The following CNOT6 variants were observed in gnomAD, a reference collection of about 807,000 sequenced individuals.
CNOT6 encodes the protein CCR4-NOT transcription complex subunit 6.
In CNOT6, 12 loss-of-function variants were observed where a neutral mutation model predicts 61.2. The observed-to-expected ratio is 0.20, with a 90% CI of 0.13 to 0.32. The LOEUF is 0.32. CNOT6 is among the 10% of genes least tolerant of loss of function. CNOT6 has a pLI of 1.00. For synonymous variants in CNOT6, 225 were observed against 240.6 expected, an observed-to-expected ratio of 0.94 and a Z score of 0.60; for missense variants, 405 against 663.9, an observed-to-expected ratio of 0.61 and a Z score of 4.28.
intron 2 of CNOT6, among the ~76,000 whole-genome samples, chr5:180,533,604 G>A (rs960118779): frequency 6.6e-6 from 1 of 151,836 alleles, no homozygotes; most frequent in African/African-American, 2.4e-5. Context: ...CTTAGAGATA[G>A]GGGTCTCCCT....
Position 180,540,985 on chromosome 5 carries a change from G to GT in CNOT6, c.113-8941dup, listed in dbSNP as rs543045694. On this transcript the variant is annotated intron_variant, in intron 2 of 11. Coordinates refer to ENST00000261951, the MANE Select transcript of CNOT6 (RefSeq NM_001370472.1). ...AATGGGGTCTGCCAGTGATTTTTTTGTTTTTGTTTATTTTTTGTATTTTAG... is the reference window on the plus strand; with the variant it reads ...AATGGGGTCTGCCAGTGATTTTTTTGTTTTTTGTTTATTTTTTGTATTTTAG... 1.8e-4 allele frequency among the ~76,000 whole-genome samples: 28 copies of GT among 151,930 alleles called. 1 individual carries two copies. The East Asian group carries it at 2.9e-3, about 16-fold the overall frequency.
chr5:180,565,775 T>G (rs1760418371), intron 6 of CNOT6, 45 bp from the exon 7 acceptor site: 1 of 1,501,928 alleles, frequency 6.7e-7, no homozygotes, highest in African/African-American at 1.4e-5. Flanking sequence ...ATTATATATT[T>G]TTTTCTGCCA....
intron 2 of CNOT6, among the ~76,000 whole-genome samples, chr5:180,545,689 TTGTG>T (rs1263614207): frequency 6.6e-6 from 1 of 152,252 alleles, no homozygotes; most frequent in African/African-American, 2.4e-5. Context: ...ACATTCCCCT[TTGTG>T]TGGGCATAAC....
intron 1 of CNOT6, among the ~76,000 whole-genome samples, chr5:180,525,480 A>C (rs1758059112): frequency 6.6e-6 from 1 of 151,802 alleles, no homozygotes; most frequent in African/African-American, 2.4e-5. Flanking sequence ...TGAAGGCTGC[A>C]GTGAGCAGAG....
chr5:180,517,679 G>A lies in CNOT6; in HGVS notation c.-2-11596G>A, dbSNP rs780125. Among the ~76,000 whole-genome samples the A allele has an allele frequency of 8.5e-3, 1,296 of 152,232 alleles. 9 individuals are homozygous for A. The highest frequency in any genetic ancestry group is 0.014 in the Non-Finnish European group (938 of 68,002). ...CTGCCTCAGCCTCCTGAGTAGCTGG[G>A]ACTACAGACGCCTGCCACAAAGCCC... On this transcript the variant is annotated intron_variant, in intron 1 of 11. Transcript: ENST00000261951.
At chr5:180,529,230 T>G in intron 1 of CNOT6, 45 bp from the exon 2 acceptor site, 8 of 1,057,738 alleles carry the variant, frequency 7.6e-6, no homozygotes, top group African/African-American at 1.6e-5. Context: ...GTGGCTTTTG[T>G]TTATTTGATT....
At chr5:180,572,355 A>G (rs1760790574) in intron 11 of CNOT6, among the ~76,000 whole-genome samples, 1 of 151,818 alleles carries the variant, frequency 6.6e-6, no homozygotes, top group Admixed American at 6.6e-5. Context: ...TCACCTGGCT[A>G]ATTTTTGTAT....
At chr5:180,570,008 C>CT (rs1760663642) in intron 10 of CNOT6, among the ~76,000 whole-genome samples, 1 of 152,154 alleles carries the variant, frequency 6.6e-6, no homozygotes, top group South Asian at 2.1e-4. Flanking sequence ...CATGAACACA[C>CT]ACACACGCAC....
intron 1 of CNOT6, among the ~76,000 whole-genome samples, chr5:180,496,790 C>T (rs1037563127): frequency 3.3e-5 from 5 of 152,178 alleles, no homozygotes; most frequent in Non-Finnish European, 7.3e-5. Context: ...CTCTGAAAGT[C>T]AATCATTAGG....
chr5:180,508,657 C>G (rs914490827), intron 1 of CNOT6, among the ~76,000 whole-genome samples: 1 of 151,836 alleles, frequency 6.6e-6, no homozygotes, highest in African/African-American at 2.4e-5. Context: ...GGCAAGGTCT[C>G]ACGGTCACCC....
intron 4 of CNOT6, among the ~76,000 whole-genome samples, chr5:180,560,386 AGT>A (rs1197287719): frequency 6.6e-6 from 1 of 152,044 alleles, no homozygotes; most frequent in Non-Finnish European, 1.5e-5. Flanking sequence ...AACTTTTTCT[AGT>A]GGTTCCCTTT....
At chr5:180,563,277 G>A (rs111914955) in intron 4 of CNOT6, among the ~76,000 whole-genome samples, 21 of 150,602 alleles carry the variant, frequency 1.4e-4, no homozygotes, top group African/African-American at 3.9e-4. Context: ...GTGCAGTGGC[G>A]CGATCTTGGC....
chr5:180,546,433 G>A lies in CNOT6; in HGVS notation c.113-3498G>A, dbSNP rs1470510069. ...TTAGCGATAACTCTTCGATTTATTAGTTAGGGTTTATGGTGTCTTATACTT... is the reference window on the plus strand; with the variant it reads ...TTAGCGATAACTCTTCGATTTATTAATTAGGGTTTATGGTGTCTTATACTT... On this transcript the variant is annotated intron_variant, in intron 2 of 11. Transcript: ENST00000261951. Among the ~76,000 whole-genome samples, 4 of 151,918 alleles carry A rather than the reference G, an allele frequency of 2.6e-5. No homozygotes were observed. The South Asian group carries it at 6.2e-4, about 24-fold the overall frequency.
At chr5:180,536,173 T>G (rs1200911899) in intron 2 of CNOT6, among the ~76,000 whole-genome samples, 2 of 3,388 alleles carry the variant, frequency 5.9e-4, no homozygotes, top group African/African-American at 8.6e-4. Context: ...TTTTTTGTAT[T>G]TTTTTTTAGT....
At position 180,496,535 on chromosome 5, in the gene CNOT6, G is replaced by T. The variant is rs980479245; in HGVS notation, c.-3+1772G>T. Among the ~76,000 whole-genome samples the T allele has an allele frequency of 7.9e-5, 12 of 152,232 alleles. 1 individual carries two copies. The highest frequency in any genetic ancestry group is 3.4e-3 in the Middle Eastern group (1 of 294). On this transcript the variant is annotated intron_variant, in intron 1 of 11. Transcript: ENST00000261951. ...CGATGAACGAGATGCTGAACGAAAT[G>T]ATCAAAAAAGATGATGCAATTGCCA...
chr5:180,514,844 T>C (rs1017746025), intron 1 of CNOT6, among the ~76,000 whole-genome samples: 1 of 152,334 alleles, frequency 6.6e-6, no homozygotes, highest in Non-Finnish European at 1.5e-5. Context: ...GGATTTTTTT[T>C]CTATGAAAAC....
chr5:180,535,955 A>G (rs575560670), intron 2 of CNOT6, among the ~76,000 whole-genome samples: 1 of 144,078 alleles, frequency 6.9e-6, no homozygotes, highest in Non-Finnish European at 1.5e-5. Flanking sequence ...CTTTTGAAAA[A>G]TATTGTTTCA....
At chr5:180,557,813 T>C (rs1188808878) in intron 4 of CNOT6, among the ~76,000 whole-genome samples, 1 of 152,222 alleles carries the variant, frequency 6.6e-6, no homozygotes, top group Non-Finnish European at 1.5e-5. Context: ...GGTTTTCTTT[T>C]AAAAGTTTTA....
At chr5:180,519,786 A>G (rs1172119500) in intron 1 of CNOT6, among the ~76,000 whole-genome samples, 1 of 145,178 alleles carries the variant, frequency 6.9e-6, no homozygotes, top group African/African-American at 2.5e-5. Context: ...TTTATTGTTC[A>G]GTAGTATTTA....
Sources: allele counts gnomAD v4.1 joint callset (sites outside exome capture counted in the v4.1 genomes callset), GRCh38; gene constraint gnomAD v4.1.1; transcripts MANE v1.5; gene names NCBI Gene and HGNC (gene_info 2026-07-23, HGNC 2026-07-21).